TCN1: variants seen among roughly 807,000 people sequenced by gnomAD.
TCN1 encodes transcobalamin-1.
A neutral mutation model predicts 46.3 loss-of-function variants in TCN1; 47 were observed. That is an observed-to-expected ratio of 1.01 (90% confidence interval 0.80 to 1.29). TCN1 has a LOEUF of 1.29. Ranked by LOEUF, TCN1 falls within the 50% of genes most tolerant of loss-of-function variation. The probability of loss-of-function intolerance (pLI) is 0.00; values close to 1 mark genes in which losing one functional copy is unlikely to be tolerated. For missense variants in TCN1, 532 were observed against 511.0 expected, an observed-to-expected ratio of 1.04 and a Z score of -0.40; for synonymous variants, 183 against 192.5, an observed-to-expected ratio of 0.95 and a Z score of 0.41.
chr11:59,865,903 T>C (rs931973183), intron 1 of TCN1, among the ~76,000 whole-genome samples: 15 of 152,138 alleles, frequency 9.9e-5, no homozygotes, highest in African/African-American at 3.6e-4. Flanking sequence ...ACATGCAACT[T>C]GGAACATCTA....
Position 59,852,917 on chromosome 11 carries a change from A to G in TCN1, c.*58T>C. 2.7e-6 allele frequency: 4 copies of G among 1,496,068 alleles called. No homozygotes were observed. Among genetic ancestry groups the G allele is most frequent in the South Asian group, 1.1e-5 (1 of 88,670 alleles). The allele number at this position is 1,496,068 out of a possible 1,614,324, so 92.7% of individuals were successfully genotyped here. A position where few individuals can be genotyped will look rare whatever the true frequency, so the allele number is the denominator to read the frequency against. On this transcript the variant is annotated 3_prime_UTR_variant, in exon 9 of 9. Transcript: ENST00000257264. The stretch of plus-strand genomic sequence containing the variant: ...AAATGAAGAAGAAGGCATAAGGACA[A>G]TAAACATGGAACTCCACTGCAAATG...
chr11:59,863,910 T>C lies in TCN1; in HGVS notation c.256A>G (p.Arg86Gly). Residue 86 changes from arginine to glycine, a missense_variant, in exon 2 of 9, where the codon AGA becomes GGA. Physicochemically the swap from Arg to Gly is moderately radical, Grantham distance 125 (BLOSUM62 -2). Coordinates refer to ENST00000257264, the MANE Select transcript of TCN1 (RefSeq NM_001062.4). Reference sequence around the variant, plus strand: ...TCCAGAATATACAGCAACTTACATCTGCTTTTCACATTGTATTTGATTTGT... The same window carrying C: ...TCCAGAATATACAGCAACTTACATCCGCTTTTCACATTGTATTTGATTTGT... ...IQQIKYNVKS[R>G]LSDVSSGELA... The C allele has an allele frequency of 6.2e-7, 1 of 1,613,830 alleles. No individual in the cohort carries two copies.
rs976172709 is a variant in TCN1 at position 59,854,726 on chromosome 11, A to G, written c.1047T>C (p.Asn349=). Residue 349 remains asparagine, a synonymous_variant, in exon 7 of 9, where the codon AAT becomes AAC. Transcript: ENST00000257264. ...AGACAGAACCATTTAGCACAGTGAC[A>G]TTGGTGAAATATGTTTCATTGATTC... ...SVRINETYFT[N]VTVLNGSVFL... is the part of the protein sequence containing the mutation. The G allele has an allele frequency of 6.2e-7, 1 of 1,613,894 alleles. No individual in the cohort carries two copies. The highest frequency in any genetic ancestry group is 8.5e-7 in the Non-Finnish European group (1 of 1,179,928).
chr11:59,861,656 T>A lies in TCN1; in HGVS notation c.427A>T (p.Asn143Tyr). ...MEAHNGTPLTNYYQLSLDVLA... is the reference protein window; with the variant it reads ...MEAHNGTPLTYYYQLSLDVLA... ...ACGTCCAGGCTGAGCTGGTAGTAGT[T>A]AGTCAGGGGAGTGCCATTGTGTGCT... The change falls in exon 4 of 9, where the codon AAC becomes TAC. Residue 143 changes from asparagine to tyrosine, a missense_variant. Coordinates refer to ENST00000257264, the MANE Select transcript of TCN1 (RefSeq NM_001062.4). 1 of 1,614,126 alleles carries A rather than the reference T, an allele frequency of 6.2e-7. No homozygotes were observed. The highest frequency in any genetic ancestry group is 8.5e-7 in the Non-Finnish European group (1 of 1,179,970).
intron 5 of TCN1, among the ~76,000 whole-genome samples, chr11:59,857,148 A>C (rs1270457267): frequency 1.3e-5 from 2 of 152,236 alleles, no homozygotes; most frequent in African/African-American, 4.8e-5. Flanking sequence ...ATTCACATAC[A>C]TAACAATAAA....
chr11:59,856,378 C>T (rs1285690997), intron 5 of TCN1, among the ~76,000 whole-genome samples: 2 of 151,958 alleles, frequency 1.3e-5, no homozygotes, highest in Admixed American at 6.6e-5. Flanking sequence ...ATAGGAGACA[C>T]TCAATAAATA....
At position 59,852,952 on chromosome 11, in the gene TCN1, C is replaced by T. The variant is rs768795743; in HGVS notation, c.*23G>A. 14 of 1,611,822 alleles carry T rather than the reference C, an allele frequency of 8.7e-6. No homozygotes were observed. In the East Asian group the frequency reaches 2.9e-4, roughly 33 times the overall value. ...AACTCCACTGCAAATGGATTTTATG[C>T]AGCTGAGGAAAGTTTGGGCTTATTA... On this transcript the variant is annotated 3_prime_UTR_variant, in exon 9 of 9. Transcript: ENST00000257264.
In TCN1 at chr11:59,859,081, A is replaced by G. The variant is rs761528377; in HGVS notation, c.743T>C (p.Met248Thr). 2.5e-6 allele frequency: 4 copies of G among 1,612,768 alleles called. No homozygotes were observed. The Middle Eastern group carries it at 4.9e-4, about 200-fold the overall frequency. The part of the protein sequence containing the change: ...IGNTFSTGEA[M>T]QALFVSSDYY... ...CTGTTTCACCCTCTGACTTACCTGC[A>G]TGGCTTCTCCTGTGCTAAATGTGTT... is the stretch of plus-strand genomic sequence containing the variant. The change falls in exon 5 of 9, where the codon ATG (methionine) becomes ACG (threonine). Residue 248 changes from methionine to threonine, a missense_variant. By Grantham distance (81) the Met-to-Thr change is moderately conservative. Coordinates refer to ENST00000257264, the MANE Select transcript of TCN1 (RefSeq NM_001062.4).
chr11:59,859,020 C>A, intron 5 of TCN1, 57 bp downstream of exon 5: 1 of 1,554,212 alleles, frequency 6.4e-7, no homozygotes, highest in Non-Finnish European at 8.8e-7. Flanking sequence ...AAAAAAAATA[C>A]TGCTTTCTTC....
Position 59,856,074 on chromosome 11 carries a change from GGGGT to G in TCN1, c.748-20_748-17del. 2 of 1,470,522 alleles carry G rather than the reference GGGGT, an allele frequency of 1.4e-6. No individual in the cohort carries two copies. Among genetic ancestry groups the G allele is most frequent in the Non-Finnish European group, 9.5e-7 (1 of 1,055,072 alleles). 91.1% of individuals were successfully genotyped at this position (1,470,522 alleles called of 1,614,324 possible). ...CAAAGAGGGCCTAATGAGGCAGGGT[GGGGT>G]GGGGGGGTGATGAGAGATAAAGAGA... On this transcript the variant is annotated splice_polypyrimidine_tract_variant and intron_variant, in intron 5 of 8. Coordinates refer to ENST00000257264, the MANE Select transcript of TCN1 (RefSeq NM_001062.4).
chr11:59,860,055 G>A (rs1852999624), intron 4 of TCN1, among the ~76,000 whole-genome samples: 1 of 152,206 alleles, frequency 6.6e-6, no homozygotes, highest in Non-Finnish European at 1.5e-5. Flanking sequence ...TAGCTTAAAA[G>A]CAGTTTAGGG....
Position 59,866,433 on chromosome 11 carries a change from A to G in TCN1, c.38T>C (p.Leu13Ser). The G allele has an allele frequency of 6.2e-7, 1 of 1,613,542 alleles. No individual in the cohort carries two copies. Among genetic ancestry groups the G allele is most frequent in the South Asian group, 1.1e-5 (1 of 91,074 alleles). ...QSHQLPLVGL[L>S]LFSFIPSQLC... The stretch of plus-strand genomic sequence containing the variant: ...TTGGCTTGGAATAAAAGAAAACAGT[A>G]AGAGCCCCACTAGGGGCAGCTGGTG... Residue 13 changes from leucine to serine, a missense_variant, in exon 1 of 9, where the codon TTA becomes TCA. Coordinates refer to ENST00000257264, the MANE Select transcript of TCN1 (RefSeq NM_001062.4).
At chr11:59,855,053 C>T (rs1437943095) in intron 6 of TCN1, among the ~76,000 whole-genome samples, 1 of 152,148 alleles carries the variant, frequency 6.6e-6, no homozygotes, top group Non-Finnish European at 1.5e-5. Flanking sequence ...TGGCACTTGG[C>T]TCAACTCCCA....
At chr11:59,858,115 T>C (rs1266661476) in intron 5 of TCN1, among the ~76,000 whole-genome samples, 2 of 152,140 alleles carry the variant, frequency 1.3e-5, no homozygotes, top group Admixed American at 1.3e-4. Flanking sequence ...TATAATAATA[T>C]ATTACAGCAC....
Position 59,866,404 on chromosome 11 carries a change from A to T in TCN1, c.67T>A (p.Cys23Ser). 6.2e-7 allele frequency: 1 copy of T among 1,613,470 alleles called. No individual in the cohort carries two copies. The highest frequency in any genetic ancestry group is 1.1e-5 in the South Asian group (1 of 91,066). ...AAAGTTTACTCACCACAAATCTCGC[A>T]TAGTTGGCTTGGAATAAAAGAAAAC... ...LLFSFIPSQL[C>S]EICEVSEENY... is the part of the protein sequence containing the mutation. The change falls in exon 1 of 9, where the codon TGC (cysteine) becomes AGC (serine). Residue 23 changes from cysteine (C) to serine (S), a missense_variant. Cys to Ser is a moderately radical substitution (Grantham distance 112). Transcript: ENST00000257264.
In TCN1 at chr11:59,861,620, A is replaced by G. The variant is rs1853015690; in HGVS notation, c.463T>C (p.Cys155Arg). 1 of 1,614,192 alleles carries G rather than the reference A, an allele frequency of 6.2e-7. No individual in the cohort carries two copies. Reference sequence around the variant, plus strand: ...GTTGAGTAGTTCCCATTGAACAGACACAAGGCCAAAACGTCCAGGCTGAGC... The same window carrying G: ...GTTGAGTAGTTCCCATTGAACAGACGCAAGGCCAAAACGTCCAGGCTGAGC... ...YQLSLDVLAL[C>R]LFNGNYSTAE... is the part of the protein sequence containing the mutation. The change falls in exon 4 of 9, where the codon TGT becomes CGT. Residue 155 changes from cysteine (C) to arginine (R), a missense_variant. Transcript: ENST00000257264.
At chr11:59,860,846 TCA>T (rs1853008232) in intron 4 of TCN1, among the ~76,000 whole-genome samples, 1 of 152,230 alleles carries the variant, frequency 6.6e-6, no homozygotes. Context: ...CTGAGAAATC[TCA>T]CATTCTCCTT....
In TCN1 at chr11:59,855,964, A is replaced by C; in HGVS notation, c.842T>G (p.Phe281Cys). The C allele has an allele frequency of 6.2e-7, 1 of 1,613,564 alleles. No individual in the cohort carries two copies. Among genetic ancestry groups the C allele is most frequent in the Non-Finnish European group, 8.5e-7 (1 of 1,179,728 alleles). The change falls in exon 6 of 9, where the codon TTC becomes TGC. Residue 281 changes from phenylalanine (F) to cysteine (C), a missense_variant. Coordinates refer to ENST00000257264, the MANE Select transcript of TCN1 (RefSeq NM_001062.4). Reference protein sequence around the residue: ...TVLTEISQGAFSNPNAAAQVL... With the variant: ...TVLTEISQGACSNPNAAAQVL... ...CTGGGCTGCAGCGTTTGGATTGCTG[A>C]ATGCTCCTTGAGAAATTTCCGTGAG...
At chr11:59,859,039 A>T in intron 5 of TCN1, 38 bp downstream of exon 5, 5 of 1,562,120 alleles carry the variant, frequency 3.2e-6, no homozygotes, top group Non-Finnish European at 4.4e-6. Context: ...TCCAGAGAAG[A>T]CTCCCTTCTC....
Sources: allele counts gnomAD v4.1 joint callset (sites outside exome capture counted in the v4.1 genomes callset), GRCh38; gene constraint gnomAD v4.1.1; transcripts MANE v1.5; gene names NCBI Gene and HGNC (gene_info 2026-07-23, HGNC 2026-07-21).